The following CLCNKB variants were observed in gnomAD, a reference collection of about 807,000 sequenced individuals.
CLCNKB encodes chloride channel protein ClC-Kb.
CLCNKB carries 74 observed loss-of-function variants against 83.8 expected under a neutral mutation model. The ratio of observed to expected loss-of-function variants is 0.88; its 90% CI spans 0.73 to 1.07. CLCNKB has a LOEUF of 1.07. Ranked by LOEUF, CLCNKB falls within the 50% of genes least tolerant of loss-of-function variation. The pLI is 0.00. For synonymous variants in CLCNKB, 358 were observed against 356.6 expected, an observed-to-expected ratio of 1.00 and a Z score of -0.04; for missense variants, 798 against 893.6, an observed-to-expected ratio of 0.89 and a Z score of 1.36.
chr1:16,056,244 C>T (rs1331247045), intron 18 of CLCNKB, among the ~76,000 whole-genome samples, 178 bp from the exon 19 acceptor site: 1 of 152,054 alleles, frequency 6.6e-6, no homozygotes, highest in East Asian at 1.9e-4. Flanking sequence ...CCGCCCAGAC[C>T]CTTGCATGGA....
At chr1:16,053,503 C>T in intron 15 of CLCNKB, 136 bp from the exon 16 acceptor site, 2 of 1,298,748 alleles carry the variant, frequency 1.5e-6, no homozygotes, top group East Asian at 5.0e-5. Flanking sequence ...TCCCTCATTC[C>T]AGGAACCTCT....
intron 12 of CLCNKB, 63 bp from the exon 13 acceptor site, chr1:16,051,415 C>A: frequency 1.3e-6 from 2 of 1,579,436 alleles, no homozygotes; most frequent in Non-Finnish European, 1.7e-6. Flanking sequence ...ATGTCCTGTC[C>A]TCCCTTGTCC....
intron 4 of CLCNKB, among the ~76,000 whole-genome samples, chr1:16,047,212 G>A (rs1454273211): frequency 2.0e-5 from 3 of 152,172 alleles, no homozygotes; most frequent in Non-Finnish European, 4.4e-5. Context: ...AGGAGGCTGA[G>A]GCAGGAGGAT....
Position 16,056,406 on chromosome 1 carries a change from A to G in CLCNKB, c.1930-16A>G. On this transcript the variant is annotated splice_polypyrimidine_tract_variant and intron_variant, in intron 18 of 19. Transcript: ENST00000375679. ...CACCTTCTACCCTCCAGTGTTTCCT[A>G]ACATCCCCCATCCAGGCACACAACC... 1 of 1,613,490 alleles carries G rather than the reference A, an allele frequency of 6.2e-7. No homozygotes were observed. Among genetic ancestry groups the G allele is most frequent in the Non-Finnish European group, 8.5e-7 (1 of 1,179,550 alleles).
At chr1:16,053,303 C>T (rs1336381884) in intron 15 of CLCNKB, among the ~76,000 whole-genome samples, 2 of 152,186 alleles carry the variant, frequency 1.3e-5, no homozygotes, top group Admixed American at 1.3e-4. Context: ...GCTGGGATTA[C>T]AGGCGTGAGC....
chr1:16,046,434 C>G lies in CLCNKB; in HGVS notation c.230-101C>G, dbSNP rs2023101868. 4 of 1,533,672 alleles carry G rather than the reference C, an allele frequency of 2.6e-6. No homozygotes were observed. In the Admixed American group the frequency reaches 7.1e-5, roughly 27 times the overall value. ...TCACTGTGTGGCCTGGTCCTCCCCTCTTCGTGACTCCATTTCCTGGTCAGT... is the reference window on the plus strand; with the variant it reads ...TCACTGTGTGGCCTGGTCCTCCCCTGTTCGTGACTCCATTTCCTGGTCAGT... On this transcript the variant is annotated intron_variant, in intron 3 of 19. Coordinates refer to ENST00000375679, the MANE Select transcript of CLCNKB (RefSeq NM_000085.5).
intron 4 of CLCNKB, among the ~76,000 whole-genome samples, chr1:16,046,907 G>C (rs189235250): frequency 6.6e-6 from 1 of 152,278 alleles, no homozygotes; most frequent in African/African-American, 2.4e-5. Flanking sequence ...TGCGAAGCCT[G>C]TTCCAGTGGC....
intron 19 of CLCNKB, 74 bp downstream of exon 19, chr1:16,056,582 T>A (rs1230713969): frequency 1.3e-5 from 4 of 314,774 alleles, no homozygotes; most frequent in South Asian, 6.1e-5. Flanking sequence ...GGAGGTGGGG[T>A]GGGGGGGACA....
chr1:16,044,426 G>A (rs569178192), intron 1 of CLCNKB, 60 bp from the exon 2 acceptor site: 3 of 1,384,970 alleles, frequency 2.2e-6, no homozygotes, highest in African/African-American at 2.8e-5. Flanking sequence ...GAAGGGCCTA[G>A]AGGCAGTGCG....
chr1:16,049,017 G>C (rs536033843), intron 7 of CLCNKB, 103 bp from the exon 8 acceptor site: 43 of 1,608,744 alleles, frequency 2.7e-5, no homozygotes, highest in African/African-American at 1.7e-4. Flanking sequence ...GGCTGCAGGA[G>C]AGCAGGACAG....
intron 3 of CLCNKB, 138 bp downstream of exon 3, chr1:16,045,824 G>C (rs2023085363): frequency 9.4e-7 from 1 of 1,065,794 alleles, no homozygotes; most frequent in Non-Finnish European, 1.4e-6. Flanking sequence ...CTTTACTCCT[G>C]ACTTGCTCTG....
chr1:16,049,180 G>A lies in CLCNKB; in HGVS notation c.716G>A (p.Gly239Asp). 1 of 1,613,538 alleles carries A rather than the reference G, an allele frequency of 6.2e-7. No homozygotes were observed. Among genetic ancestry groups the A allele is most frequent in the Non-Finnish European group, 8.5e-7 (1 of 1,180,010 alleles). ...TTCTCTGTCTGGGATTACTGGAGGG[G>A]CTTCTTTGCGGCCACCTGCGGGGCC... ...SHFSVWDYWR[G>D]FFAATCGAFM... The change falls in exon 8 of 20, where the codon GGC (glycine) becomes GAC (aspartate). Residue 239 changes from glycine to aspartate, a missense_variant. By Grantham distance (94) the Gly-to-Asp change is moderately conservative. Transcript: ENST00000375679.
rs145944137 is a variant in CLCNKB, at chr1:16,049,136, C to G, written c.672C>G (p.Ile224Met). ...CGCCCCCAGGCGTCCTGTTCAGCAT[C>G]GAGGTCATGTCTTCCCACTTCTCTG... is the stretch of plus-strand genomic sequence containing the variant. ...AAPFSGVLFS[I>M]EVMSSHFSVW... Residue 224 changes from isoleucine (I) to methionine (M), a missense_variant, in exon 8 of 20, where the codon ATC becomes ATG. Physicochemically the swap from Ile to Met is conservative, Grantham distance 10. Coordinates refer to ENST00000375679, the MANE Select transcript of CLCNKB (RefSeq NM_000085.5). 3 of 1,613,518 alleles carry G rather than the reference C, an allele frequency of 1.9e-6. No individual in the cohort carries two copies. The highest frequency in any genetic ancestry group is 1.1e-5 in the South Asian group (1 of 91,056).
intron 8 of CLCNKB, 97 bp downstream of exon 8, chr1:16,049,342 CCTCT>C (rs2023207929): frequency 1.3e-6 from 2 of 1,558,812 alleles, no homozygotes; most frequent in Admixed American, 2.0e-5. Flanking sequence ...TCTTCCTTTC[CCTCT>C]CTCTCCCTCT....
chr1:16,044,542 C>T lies in CLCNKB; in HGVS notation c.50C>T (p.Thr17Ile). ...LREGSSGNPV[T>I]LQELWGPCPR... is the part of the protein sequence containing the mutation. ...GAAGGCTCCTCAGGGAACCCTGTGA[C>T]TCTGCAGGAGCTGTGGGGCCCCTGT... Residue 17 changes from threonine to isoleucine, a missense_variant, in exon 2 of 20, where the codon ACT (threonine) becomes ATT (isoleucine). Transcript: ENST00000375679. 1 of 1,607,284 alleles carries T rather than the reference C, an allele frequency of 6.2e-7. No individual in the cohort carries two copies. The highest frequency in any genetic ancestry group is 8.5e-7 in the Non-Finnish European group (1 of 1,177,642).
intron 1 of CLCNKB, among the ~76,000 whole-genome samples, chr1:16,044,168 C>T (rs1295687077): frequency 5.3e-5 from 8 of 151,916 alleles, no homozygotes; most frequent in Non-Finnish European, 8.8e-5. Flanking sequence ...GTGGGAGCGG[C>T]TGCCACCGAA....
At chr1:16,045,510 C>G (rs778941895) in intron 2 of CLCNKB, 48 bp from the exon 3 acceptor site, 1 of 1,607,440 alleles carries the variant, frequency 6.2e-7, no homozygotes, top group South Asian at 1.1e-5. Context: ...ATGGGACTGT[C>G]TGTGCCTCCT....
chr1:16,044,375 A>ACT, intron 1 of CLCNKB, 111 bp from the exon 2 acceptor site: 1 of 812,926 alleles, frequency 1.2e-6, no homozygotes, highest in South Asian at 1.5e-5. Context: ...ACACACACAC[A>ACT]CACGCACAAT....
intron 5 of CLCNKB, 73 bp from the exon 6 acceptor site, chr1:16,048,270 A>G: frequency 1.3e-6 from 2 of 1,574,570 alleles, no homozygotes; most frequent in Non-Finnish European, 8.7e-7. Context: ...GTTGGGGGGA[A>G]GCCGTGCTGA....
Sources: allele counts gnomAD v4.1 joint callset (sites outside exome capture counted in the v4.1 genomes callset), GRCh38; gene constraint gnomAD v4.1.1; transcripts MANE v1.5; gene names NCBI Gene and HGNC (gene_info 2026-07-23, HGNC 2026-07-21).